Variants in UGT2B7 observed in about 807,000 individuals in gnomAD.
UGT2B7 encodes UDP-glucuronosyltransferase 2B7.
Under a neutral mutation model 51.9 loss-of-function variants are expected in UGT2B7, and 51 were observed. The observed-to-expected ratio is 0.98, with a 90% CI of 0.78 to 1.24. The LOEUF (loss-of-function observed/expected upper bound fraction) is 1.24, where lower values mean the gene tolerates loss of function less well. Ranked by LOEUF, UGT2B7 falls within the 50% of genes most tolerant of loss-of-function variation. The probability of loss-of-function intolerance (pLI) is 0.00; values close to 1 mark genes in which losing one functional copy is unlikely to be tolerated. For missense variants in UGT2B7, 727 were observed against 628.4 expected (o/e 1.16, Z -1.68); for synonymous variants, 225 against 211.6 (o/e 1.06, Z -0.55).
intron 1 of UGT2B7, among the ~76,000 whole-genome samples, chr4:69,060,339 C>T (rs945273680): frequency 8.5e-5 from 13 of 152,156 alleles, no homozygotes; most frequent in South Asian, 6.2e-4. Context: ...TCCAACCACC[C>T]GGTGACAAGA....
intron 5 of UGT2B7, among the ~76,000 whole-genome samples, chr4:69,110,693 T>A (rs1719747067): frequency 1.3e-5 from 2 of 152,122 alleles, no homozygotes; most frequent in African/African-American, 4.8e-5. Flanking sequence ...CTATTCGAAG[T>A]CAGGCTAATC....
At chr4:69,069,386 T>C (rs1019705616) in intron 1 of UGT2B7, among the ~76,000 whole-genome samples, 10 of 152,068 alleles carry the variant, frequency 6.6e-5, no homozygotes, top group African/African-American at 2.2e-4. Flanking sequence ...TTTAACCCTT[T>C]GGACTTATCT....
chr4:69,067,847 G>C (rs1347643787), intron 1 of UGT2B7, among the ~76,000 whole-genome samples: 1 of 151,966 alleles, frequency 6.6e-6, no homozygotes, highest in African/African-American at 2.4e-5. Context: ...TTCTAAAATA[G>C]CCAAAAAGTA....
In UGT2B7 at chr4:69,112,480, T is replaced by C; in HGVS notation, c.1334T>C (p.Leu445Ser). 6.2e-7 allele frequency: 1 copy of C among 1,613,688 alleles called. No homozygotes were observed. ...AGATATAAAGAGAATGTTATGAAAT[T>C]ATCAAGAATTCAACATGATCAACCA... is the stretch of plus-strand genomic sequence containing the variant. ...DPSYKENVMK[L>S]SRIQHDQPVK... The change falls in exon 6 of 6, where the codon TTA (leucine) becomes TCA (serine). Residue 445 changes from leucine to serine, a missense_variant. Physicochemically the swap from Leu to Ser is moderately radical, Grantham distance 145. Coordinates refer to ENST00000305231, the MANE Select transcript of UGT2B7 (RefSeq NM_001074.4).
At chr4:69,060,176 C>T (rs1309348578) in intron 1 of UGT2B7, among the ~76,000 whole-genome samples, 2 of 152,208 alleles carry the variant, frequency 1.3e-5, no homozygotes, top group Admixed American at 1.3e-4. Flanking sequence ...GGACCCAAGA[C>T]CTCCTGCACT....
chr4:69,055,206 T>G (rs1423327045), intron 1 of UGT2B7, among the ~76,000 whole-genome samples: 1 of 150,792 alleles, frequency 6.6e-6, no homozygotes, highest in East Asian at 1.9e-4. Flanking sequence ...TAAGATGTGG[T>G]TCTCTAAATT....
At position 69,096,707 on chromosome 4, in the gene UGT2B7, C is replaced by A. The variant is rs750369010; in HGVS notation, c.187C>A (p.Leu63Ile). 13 of 1,613,846 alleles carry A rather than the reference C, an allele frequency of 8.1e-6. No individual in the cohort carries two copies. In the Admixed American group the frequency reaches 2.0e-4, roughly 25 times the overall value. ...VTVLASSASI[L>I]FDPNNSSALK... ...TGTACTGGCATCTTCAGCTTCCATT[C>A]TTTTTGATCCCAACAACTCATCCGC... The change falls in exon 1 of 6, where the codon CTT (leucine) becomes ATT (isoleucine). Residue 63 changes from leucine to isoleucine, a missense_variant. By Grantham distance (5) the Leu-to-Ile change is conservative. Coordinates refer to ENST00000305231, the MANE Select transcript of UGT2B7 (RefSeq NM_001074.4).
At chr4:69,076,926 T>G (rs1265431567) in intron 1 of UGT2B7, among the ~76,000 whole-genome samples, 2 of 152,238 alleles carry the variant, frequency 1.3e-5, no homozygotes, top group East Asian at 3.8e-4. Flanking sequence ...GTCTTATGTG[T>G]AAGTCTTTAG....
In UGT2B7 at chr4:69,112,621, A is replaced by G. The variant is rs1374460754; in HGVS notation, c.1475A>G (p.Asp492Gly). The G allele has an allele frequency of 6.2e-7, 1 of 1,613,744 alleles. No homozygotes were observed. The highest frequency in any genetic ancestry group is 8.5e-7 in the Non-Finnish European group (1 of 1,179,872). ...ACCTGGTTCCAGTACCACTCTTTGG[A>G]TGTGATTGGGTTCCTGCTGGTCTGT... ...DLTWFQYHSL[D>G]VIGFLLVCVA... Residue 492 changes from aspartate to glycine, a missense_variant, in exon 6 of 6, where the codon GAT becomes GGT. Asp to Gly is a moderately conservative substitution (Grantham distance 94). Transcript: ENST00000305231.
intron 1 of UGT2B7, among the ~76,000 whole-genome samples, chr4:69,077,053 C>T (rs1237740255): frequency 6.6e-6 from 1 of 152,110 alleles, no homozygotes; most frequent in Non-Finnish European, 1.5e-5. Context: ...TTCCTCATTG[C>T]TTGTTTTTGT....
At chr4:69,066,544 A>C (rs1718487474) in intron 1 of UGT2B7, 1 of 152,204 alleles carries the variant, frequency 6.6e-6, no homozygotes, top group African/African-American at 2.4e-5. Flanking sequence ...AAAATGGTTC[A>C]ACAGAAAACA....
chr4:69,093,958 C>T (rs1165683846), upstream of UGT2B7, among the ~76,000 whole-genome samples: 5 of 152,090 alleles, frequency 3.3e-5, no homozygotes, highest in East Asian at 3.9e-4. Context: ...TACCTACTTC[C>T]GGTCAGTCAT....
At chr4:69,079,580 A>AAG in intron 1 of UGT2B7, among the ~76,000 whole-genome samples, 1 of 152,180 alleles carries the variant, frequency 6.6e-6, no homozygotes, top group Non-Finnish European at 1.5e-5. Flanking sequence ...TTATCCTGTG[A>AAG]AGTATATTTT....
In UGT2B7 at chr4:69,064,112, A is replaced by AAGAAAGAAAG. The variant is rs754723956; in HGVS notation, c.-159+12511_-159+12512insGAAAGAAAGA. On this transcript the variant is annotated intron_variant, in intron 1 of 5. Transcript: ENST00000502942. Reference sequence around the variant, plus strand: ...AGAAAGAAAGAGAAAGAAAGAAAGAAAAAGAAAGAAAGAAAGAAAGAAAGA... The same window carrying AAGAAAGAAAG: ...AGAAAGAAAGAGAAAGAAAGAAAGAAAGAAAGAAAGAAAGAAAGAAAGAAAGAAAGAAAGA... Among the ~76,000 whole-genome samples, 254 of 86,726 alleles carry AAGAAAGAAAG rather than the reference A, an allele frequency of 2.9e-3. 6 individuals are homozygous for AAGAAAGAAAG. The highest frequency in any genetic ancestry group is 0.029 in the Middle Eastern group (5 of 174). 56.9% of individuals were successfully genotyped at this position (86,726 alleles called of 152,430 possible).
intron 1 of UGT2B7, among the ~76,000 whole-genome samples, chr4:69,077,580 CT>C (rs150317473): frequency 1.3e-5 from 2 of 150,200 alleles, no homozygotes; most frequent in Admixed American, 6.6e-5. Context: ...ATTTGGCTCT[CT>C]TTTTTTTTAT....
At chr4:69,091,002 T>C (rs1440748209) in intron 2 of UGT2B7, among the ~76,000 whole-genome samples, 1 of 152,198 alleles carries the variant, frequency 6.6e-6, no homozygotes, top group African/African-American at 2.4e-5. Flanking sequence ...TCCATACACA[T>C]TGGGATGCTC....
At chr4:69,060,097 A>G (rs750118083) in intron 1 of UGT2B7, among the ~76,000 whole-genome samples, 8 of 152,224 alleles carry the variant, frequency 5.3e-5, no homozygotes, top group African/African-American at 7.2e-5. Context: ...CCAAACAGTG[A>G]CTGTGTCTTG....
chr4:69,065,417 G>A (rs979959226), intron 1 of UGT2B7, among the ~76,000 whole-genome samples: 3 of 152,132 alleles, frequency 2.0e-5, no homozygotes, highest in African/African-American at 7.2e-5. Flanking sequence ...CCATCAAAGA[G>A]TTAACAGCCA....
chr4:69,054,035 A>G (rs541723981), intron 1 of UGT2B7, among the ~76,000 whole-genome samples: 2 of 152,332 alleles, frequency 1.3e-5, no homozygotes, highest in African/African-American at 4.8e-5. Context: ...AAAGCTTGAA[A>G]TCAAATAGCT....
Sources: gnomAD v4.1 joint callset for allele counts (sites outside exome capture counted in the v4.1 genomes callset) on GRCh38, gnomAD v4.1.1 for gene constraint, MANE v1.5 for transcripts, NCBI Gene and HGNC (gene_info 2026-07-23, HGNC 2026-07-21) for gene names.